The following ERC2 variants were observed in gnomAD, a reference collection of about 807,000 sequenced individuals.
ERC2 encodes ERC protein 2.
A neutral mutation model predicts 114.8 loss-of-function variants in ERC2; 42 were observed. That is an observed-to-expected ratio of 0.37 (90% CI 0.29 to 0.47). ERC2 has a LOEUF of 0.47. ERC2 is among the 20% of genes least tolerant of loss of function. The pLI is 0.99. For synonymous variants in ERC2, 454 were observed against 425.5 expected, an observed-to-expected ratio of 1.07 and a Z score of -0.82; for missense variants, 939 against 1,150.7, an observed-to-expected ratio of 0.82 and a Z score of 2.66.
chr3:55,625,667 C>A (rs904685156), intron 17 of ERC2, among the ~76,000 whole-genome samples: 1 of 152,162 alleles, frequency 6.6e-6, no homozygotes, highest in East Asian at 1.9e-4. Flanking sequence ...AGGAGAATGG[C>A]GTGAACCTGG....
At chr3:55,573,633 C>A (rs1178569987) in intron 17 of ERC2, among the ~76,000 whole-genome samples, 1 of 152,068 alleles carries the variant, frequency 6.6e-6, no homozygotes, top group Non-Finnish European at 1.5e-5. Context: ...TTTCCATTTG[C>A]ACAGCCAAGG....
At chr3:56,011,356 G>A (rs1445978413) in intron 8 of ERC2, among the ~76,000 whole-genome samples, 1 of 152,070 alleles carries the variant, frequency 6.6e-6, no homozygotes, top group Non-Finnish European at 1.5e-5. Flanking sequence ...CAGTGCTCTT[G>A]GTGACGGTGT....
chr3:55,953,458 A>T (rs1319917025), intron 12 of ERC2, among the ~76,000 whole-genome samples: 1 of 152,064 alleles, frequency 6.6e-6, no homozygotes, highest in Non-Finnish European at 1.5e-5. Flanking sequence ...TAGTGTCCAC[A>T]CTCTCCTGAA....
intron 17 of ERC2, among the ~76,000 whole-genome samples, chr3:55,652,243 G>T (rs952748036): frequency 6.6e-6 from 1 of 152,192 alleles, no homozygotes; most frequent in African/African-American, 2.4e-5. Flanking sequence ...TGGAAAGCAG[G>T]TTCTGTTTCT....
chr3:55,705,670 T>C (rs2063442406), intron 15 of ERC2, among the ~76,000 whole-genome samples: 1 of 152,036 alleles, frequency 6.6e-6, no homozygotes, highest in African/African-American at 2.4e-5. Context: ...ACTGGTCTGA[T>C]CTCCCCAAAT....
At chr3:55,851,800 T>C (rs978078143) in intron 14 of ERC2, among the ~76,000 whole-genome samples, 13 of 151,740 alleles carry the variant, frequency 8.6e-5, no homozygotes, top group Admixed American at 8.5e-4. Flanking sequence ...TGTCACACCA[T>C]TGTTGGCCAT....
At position 56,152,983 on chromosome 3, in the gene ERC2, T is replaced by C. The variant is rs181450709; in HGVS notation, c.1150-3851A>G. On this transcript the variant is annotated intron_variant, in intron 4 of 17. Transcript: ENST00000288221. ...TAATGTCTAAGCCAGCCTTAAATAC[T>C]AGCACTAGCCCATGACGGCTATAGT... Among the ~76,000 whole-genome samples, 18 of 152,320 alleles carry C rather than the reference T, an allele frequency of 1.2e-4. No homozygotes were observed. In the East Asian group the frequency reaches 3.5e-3, roughly 29 times the overall value.
chr3:55,863,998 A>G (rs1417857292), intron 14 of ERC2, among the ~76,000 whole-genome samples: 1 of 150,938 alleles, frequency 6.6e-6, no homozygotes, highest in Non-Finnish European at 1.5e-5. Context: ...TTAACAGCAT[A>G]AAGGTTGTCA....
At chr3:56,148,047 C>T (rs1037381816) in intron 5 of ERC2, among the ~76,000 whole-genome samples, 1 of 152,046 alleles carries the variant, frequency 6.6e-6, no homozygotes, top group African/African-American at 2.4e-5. Flanking sequence ...AACATGAATA[C>T]CACTGTCAAC....
chr3:55,658,349 A>C (rs569081954), intron 17 of ERC2: 9 of 152,312 alleles, frequency 5.9e-5, no homozygotes, highest in African/African-American at 2.2e-4. Context: ...TCTTAACTCA[A>C]AATTTCAGAA....
chr3:55,813,265 C>A (rs906598296), intron 14 of ERC2, among the ~76,000 whole-genome samples: 4 of 152,146 alleles, frequency 2.6e-5, no homozygotes, highest in Non-Finnish European at 5.9e-5. Flanking sequence ...CCTAGCCACA[C>A]TGGGCTATTT....
intron 13 of ERC2, among the ~76,000 whole-genome samples, chr3:55,899,675 G>C (rs146908222): frequency 2.0e-5 from 3 of 152,268 alleles, no homozygotes; most frequent in African/African-American, 7.2e-5. Context: ...AAAGCAGGTG[G>C]TAAATGGTAG....
At chr3:56,036,599 C>T (rs116461959) in intron 7 of ERC2, among the ~76,000 whole-genome samples, 1 of 152,086 alleles carries the variant, frequency 6.6e-6, no homozygotes, top group Non-Finnish European at 1.5e-5. Context: ...GCTGACTAGG[C>T]GGTTGGTGCA....
chr3:56,142,720 T>G (rs1647071038), intron 5 of ERC2, among the ~76,000 whole-genome samples: 1 of 152,166 alleles, frequency 6.6e-6, no homozygotes, highest in African/African-American at 2.4e-5. Context: ...AATTCCAACT[T>G]TTGAAGTCTT....
intron 14 of ERC2, among the ~76,000 whole-genome samples, chr3:55,761,982 C>G (rs1413678587): frequency 8.1e-6 from 1 of 124,164 alleles, no homozygotes; most frequent in Non-Finnish European, 1.6e-5. Context: ...CTTCCTCTCT[C>G]TCTCTCTCCT....
chr3:56,466,424 C>T (rs956255880), intron 1 of ERC2, among the ~76,000 whole-genome samples: 3 of 152,128 alleles, frequency 2.0e-5, no homozygotes, highest in Admixed American at 2.0e-4. Flanking sequence ...GGTCCTTCAC[C>T]CATGATTCAT....
chr3:56,453,009 G>T (rs1312308039), intron 1 of ERC2, among the ~76,000 whole-genome samples: 2 of 152,024 alleles, frequency 1.3e-5, no homozygotes, highest in African/African-American at 4.8e-5. Context: ...CTTGCAATGG[G>T]TCTAAAAAAA....
chr3:56,176,895 T>C (rs987201248), intron 3 of ERC2, among the ~76,000 whole-genome samples: 3 of 152,194 alleles, frequency 2.0e-5, no homozygotes, highest in African/African-American at 7.2e-5. Flanking sequence ...CAGTGGAATG[T>C]GGTTAGAAAT....
At chr3:56,000,259 C>A (rs1454727864) in intron 10 of ERC2, among the ~76,000 whole-genome samples, 1 of 151,888 alleles carries the variant, frequency 6.6e-6, no homozygotes, top group Non-Finnish European at 1.5e-5. Context: ...AAAATTAAAA[C>A]ATTTTAAATA....
Sources: allele counts gnomAD v4.1 joint callset (sites outside exome capture counted in the v4.1 genomes callset), GRCh38; gene constraint gnomAD v4.1.1; transcripts MANE v1.5; gene names NCBI Gene and HGNC (gene_info 2026-07-23, HGNC 2026-07-21).